Variants in DUS3L observed in about 807,000 individuals in gnomAD.
The protein encoded by DUS3L is dihydrouridine synthase 3 like, also known as tRNA-dihydrouridine(47) synthase [NAD(P)(+)]-like.
DUS3L carries 62 observed loss-of-function variants against 74.6 expected under a neutral mutation model. The observed-to-expected ratio is 0.83, with a 90% CI of 0.68 to 1.03. DUS3L has a LOEUF of 1.03. Among genes scored for constraint, DUS3L ranks in the 50% least tolerant of loss-of-function variants. The pLI is 0.00. For synonymous variants in DUS3L, 433 were observed against 395.7 expected, an observed-to-expected ratio of 1.09 and a Z score of -1.12; for missense variants, 884 against 924.4, an observed-to-expected ratio of 0.96 and a Z score of 0.57.
intron 3 of DUS3L, 61 bp downstream of exon 3, chr19:5,789,146 G>T (rs1428762322): frequency 6.7e-7 from 1 of 1,495,600 alleles, no homozygotes; most frequent in Non-Finnish European, 8.9e-7. Flanking sequence ...GACACAGCTG[G>T]TATTTAATAG....
Position 5,786,507 on chromosome 19 carries a change from G to A in DUS3L, c.1522C>T (p.Arg508Cys), listed in dbSNP as rs371714095. 1.8e-5 allele frequency: 29 copies of A among 1,612,990 alleles called. No individual in the cohort carries two copies. The highest frequency in any genetic ancestry group is 8.0e-5 in the African/African-American group (6 of 74,912). Residue 508 changes from arginine (R) to cysteine (C), a missense_variant, in exon 10 of 13, where the codon CGC becomes TGC. Physicochemically the swap from Arg to Cys is radical, Grantham distance 180. Coordinates refer to ENST00000309061, the MANE Select transcript of DUS3L (RefSeq NM_020175.3). ...CCGGTGACACCAGTCTGCATGGCGC[G>A]GTTGGCATCCTCAAATGACAAGATG... is the stretch of plus-strand genomic sequence containing the variant. ...GDILSFEDAN[R>C]AMQTGVTGIM...
intron 1 of DUS3L, among the ~76,000 whole-genome samples, chr19:5,790,548 C>T (rs1402219487): frequency 6.6e-6 from 1 of 152,112 alleles, no homozygotes. Flanking sequence ...TTGCGCGAAA[C>T]TATTATCAGG....
Position 5,790,723 on chromosome 19 carries a change from G to GC in DUS3L, c.98+320dup, listed in dbSNP as rs1391620543. On this transcript the variant is annotated intron_variant, in intron 1 of 12. Coordinates refer to ENST00000309061, the MANE Select transcript of DUS3L (RefSeq NM_020175.3). ...GGCACTCGCTTCAACCCCAAGACCC[G>GC]CCAGTAACGGCCGCTGGCAGAGCAC... 7.3e-6 allele frequency: 4 copies of GC among 546,166 alleles called. No individual in the cohort carries two copies. In the African/African-American group the frequency reaches 7.6e-5, roughly 10 times the overall value. The allele number at this position is 546,166 out of a possible 1,614,324, so 33.8% of individuals were successfully genotyped here.
chr19:5,791,125 G>A lies in DUS3L; in HGVS notation c.17C>T (p.Ala6Val), dbSNP rs752352018. The change falls in exon 1 of 13, where the codon GCG becomes GTG. Residue 6 changes from alanine (A) to valine (V), a missense_variant. By Grantham distance (64) the Ala-to-Val change is moderately conservative (BLOSUM62 0). Coordinates refer to ENST00000309061, the MANE Select transcript of DUS3L (RefSeq NM_020175.3). MAEGT[A>V]EAPLENGGGG... is the part of the protein sequence containing the mutation. ...ACCACCATTCTCTAGAGGAGCCTCCGCCGTTCCCTCCGCCATCGGCGCCCC... is the reference window on the plus strand; with the variant it reads ...ACCACCATTCTCTAGAGGAGCCTCCACCGTTCCCTCCGCCATCGGCGCCCC... 1.9e-6 allele frequency: 3 copies of A among 1,606,792 alleles called. No individual in the cohort carries two copies. Among genetic ancestry groups the A allele is most frequent in the East Asian group, 2.2e-5 (1 of 44,666 alleles).
chr19:5,786,407 T>C, intron 10 of DUS3L, 60 bp downstream of exon 10: 1 of 1,546,900 alleles, frequency 6.5e-7, no homozygotes, highest in Non-Finnish European at 8.9e-7. Flanking sequence ...GACGGCGTGT[T>C]GGGTTCAGGG....
In DUS3L at chr19:5,786,589, A is replaced by G. The variant is rs568488459; in HGVS notation, c.1487-47T>C. 1.5e-4 allele frequency: 243 copies of G among 1,601,860 alleles called. 2 individuals are homozygous for G. The East Asian group carries it at 4.0e-3, about 27-fold the overall frequency. On this transcript the variant is annotated intron_variant, in intron 9 of 12. Transcript: ENST00000309061. ...TCTCAGGGAGACATGGGCAGGTGGG[A>G]CCCTGGAGTTCTGCTCACCAGCCCT...
At chr19:5,789,755 G>T (rs1293798358) in intron 2 of DUS3L, 36 bp from the exon 3 acceptor site, 1 of 1,566,788 alleles carries the variant, frequency 6.4e-7, no homozygotes, top group African/African-American at 1.4e-5. Context: ...GGGAGGACAG[G>T]GAGACCCCGG....
At chr19:5,786,009 G>T (rs1599616858) in intron 10 of DUS3L, 1 of 564,980 alleles carries the variant, frequency 1.8e-6, no homozygotes, top group East Asian at 3.1e-5. Context: ...GGGTGCAGTG[G>T]TAAGATCTCG....
rs762827558 is a variant in DUS3L at position 5,791,046 on chromosome 19, A to G, written c.96T>C (p.Arg32=). Residue 32 remains arginine, a splice_region_variant and synonymous_variant, in exon 1 of 13, where the codon CGT becomes CGC. Transcript: ENST00000309061. ...TCCCTCCTGCCCCGGCGACTCACTG[A>G]CGCTTAATGGGCGCCACTCCTCGTT... is the stretch of plus-strand genomic sequence containing the variant. ...ALERGVAPIK[R]QYLTTKEQFH... 24 of 1,599,862 alleles carry G rather than the reference A, an allele frequency of 1.5e-5. 1 individual carries two copies. In the South Asian group the frequency reaches 2.5e-4, roughly 17 times the overall value.
In DUS3L at chr19:5,791,145, C is replaced by T; in HGVS notation, c.-4G>A. The T allele has an allele frequency of 1.2e-6, 2 of 1,602,092 alleles. No homozygotes were observed. Among genetic ancestry groups the T allele is most frequent in the East Asian group, 2.3e-5 (1 of 44,426 alleles). Reference sequence around the variant, plus strand: ...CCTCCGCCGTTCCCTCCGCCATCGGCGCCCCTCACATCCGCTCTGGAGTGT... The same window carrying T: ...CCTCCGCCGTTCCCTCCGCCATCGGTGCCCCTCACATCCGCTCTGGAGTGT... On this transcript the variant is annotated 5_prime_UTR_variant, in exon 1 of 13. Coordinates refer to ENST00000309061, the MANE Select transcript of DUS3L (RefSeq NM_020175.3).
At chr19:5,787,769 G>A (rs1419694523) in intron 5 of DUS3L, 64 bp from the exon 6 acceptor site, 14 of 1,566,358 alleles carry the variant, frequency 8.9e-6, no homozygotes, top group Admixed American at 1.7e-5. Context: ...CCACTTGGCC[G>A]TTCCCTCCCC....
chr19:5,786,956 G>C, intron 8 of DUS3L, 105 bp downstream of exon 8: 1 of 1,490,544 alleles, frequency 6.7e-7, no homozygotes, highest in Non-Finnish European at 8.9e-7. Context: ...CGGAGACAGA[G>C]GGAGGTGTGG....
rs1272725679 is a variant in DUS3L at position 5,785,454 on chromosome 19, G to A, written c.1809C>T (p.Pro603=). The A allele has an allele frequency of 1.9e-6, 3 of 1,587,594 alleles. No individual in the cohort carries two copies. Among genetic ancestry groups the A allele is most frequent in the Admixed American group, 3.5e-5 (2 of 56,834 alleles). Residue 603 remains proline, a synonymous_variant, in exon 12 of 13, where the codon CCC becomes CCT. Coordinates refer to ENST00000309061, the MANE Select transcript of DUS3L (RefSeq NM_020175.3). ...CCAGGTAGTCGCGGCCCAGGTAGTA[G>A]GGCGGCCGCTCGTTGATCCTCTGTG... The part of the protein sequence containing the change: ...RLPQRINERP[P]YYLGRDYLET...
chr19:5,787,380 T>C lies in DUS3L; in HGVS notation c.1213-19A>G, dbSNP rs772804911. 2 of 1,598,766 alleles carry C rather than the reference T, an allele frequency of 1.3e-6. No homozygotes were observed. Among genetic ancestry groups the C allele is most frequent in the East Asian group, 4.5e-5 (2 of 44,458 alleles). ...CCCCACCCTGGAAGAGACAGGCGGG[T>C]GGAGGGAGGGCAGGACGTGGGCTGA... On this transcript the variant is annotated intron_variant, in intron 6 of 12. Transcript: ENST00000309061.
At chr19:5,787,902 A>T in intron 5 of DUS3L, 122 bp downstream of exon 5, 1 of 1,478,300 alleles carries the variant, frequency 6.8e-7, no homozygotes, top group Non-Finnish European at 9.1e-7. Context: ...TCAGGGCATC[A>T]CCCCCACTCC....
chr19:5,790,794 G>A (rs1461193047), intron 1 of DUS3L: 8 of 591,762 alleles, frequency 1.4e-5, no homozygotes, highest in Non-Finnish European at 2.4e-5. Flanking sequence ...CCAGTATGCA[G>A]CGCGGGCCTG....
intron 9 of DUS3L, 42 bp downstream of exon 9, chr19:5,786,707 A>G (rs2305927): frequency 0.18 from 292,375 of 1,598,422 alleles, 31,834 homozygotes; most frequent in East Asian, 0.48. Flanking sequence ...TGAGTGACCA[A>G]GGGTGGTAGG....
chr19:5,789,501 C>T lies in DUS3L; in HGVS notation c.606G>A (p.Gln202=). The change falls in exon 3 of 13, where the codon CAG becomes CAA. Residue 202 remains glutamine (Q), a synonymous_variant. Transcript: ENST00000309061. The stretch of plus-strand genomic sequence containing the variant: ...CCAGGCCGTTGCGGATGGACGGGGG[C>T]TGGGTCCCGCGGGCCGCCAACTCCT... ...VQEELAARGT[Q]PPSIRNGLDK... 1 of 1,604,954 alleles carries T rather than the reference C, an allele frequency of 6.2e-7. No homozygotes were observed. The highest frequency in any genetic ancestry group is 1.3e-5 in the African/African-American group (1 of 75,020).
At position 5,785,177 on chromosome 19, in the gene DUS3L, CA is replaced by C; in HGVS notation, c.*25del. 1 of 1,588,788 alleles carries C rather than the reference CA, an allele frequency of 6.3e-7. No individual in the cohort carries two copies. Reference sequence around the variant, plus strand: ...AAAATTTATTGTACTCTCCTCGCCCCAGGGTGCCCCTGGGAAAGCCTGAGGC... The same window carrying C: ...AAAATTTATTGTACTCTCCTCGCCCCGGGTGCCCCTGGGAAAGCCTGAGGC... On this transcript the variant is annotated 3_prime_UTR_variant, in exon 13 of 13. Coordinates refer to ENST00000309061, the MANE Select transcript of DUS3L (RefSeq NM_020175.3).
Sources: gnomAD v4.1 joint callset for allele counts (sites outside exome capture counted in the v4.1 genomes callset) on GRCh38, gnomAD v4.1.1 for gene constraint, MANE v1.5 for transcripts, NCBI Gene and HGNC (gene_info 2026-07-23, HGNC 2026-07-21) for gene names.